The following GMDS variants were observed in gnomAD, a reference collection of about 807,000 sequenced individuals.
GMDS encodes GDP-mannose 4,6 dehydratase.
A neutral mutation model predicts 49.9 loss-of-function variants in GMDS; 20 were observed. The ratio of observed to expected loss-of-function variants is 0.40; its 90% CI spans 0.28 to 0.58. GMDS has a LOEUF of 0.58. GMDS is among the 20% of genes least tolerant of loss of function. GMDS has a pLI of 0.42. For missense variants in GMDS, 362 were observed against 481.4 expected (o/e 0.75, Z 2.32); for synonymous variants, 177 against 178.6 (o/e 0.99, Z 0.07).
intron 4 of GMDS, among the ~76,000 whole-genome samples, chr6:2,114,678 A>G (rs1450175134): frequency 6.6e-6 from 1 of 152,234 alleles, no homozygotes; most frequent in African/African-American, 2.4e-5. Flanking sequence ...ATCGATATGT[A>G]GCCATCCTTC....
chr6:1,675,776 T>C (rs6909257), intron 9 of GMDS, among the ~76,000 whole-genome samples: 133,510 of 151,136 alleles, frequency 0.88, 59,179 homozygotes, highest in Middle Eastern at 0.95. Context: ...TGGCGTGAAC[T>C]CGGGAGGTGG....
rs146145970 is a variant in GMDS, at chr6:1,822,416, G to T, written c.772-79830C>A. On this transcript the variant is annotated intron_variant, in intron 7 of 10. Transcript: ENST00000380815. ...GACAGTGCTCTGATTATTTTCACAG[G>T]AAGTGAGTTTGTTAGGATGAAAAAG... 7.4e-3 allele frequency among the ~76,000 whole-genome samples: 1,131 copies of T among 152,186 alleles called. 19 individuals are homozygous for T. Among genetic ancestry groups the T allele is most frequent in the African/African-American group, 0.025 (1,050 of 41,494 alleles).
chr6:1,749,618 AG>A (rs1251091330), intron 7 of GMDS, among the ~76,000 whole-genome samples: 2 of 152,238 alleles, frequency 1.3e-5, no homozygotes, highest in Non-Finnish European at 2.9e-5. Context: ...CATAAAAAAA[AG>A]AAATTGTCTT....
chr6:1,727,322 C>G (rs528481209), intron 8 of GMDS, among the ~76,000 whole-genome samples: 1 of 152,152 alleles, frequency 6.6e-6, no homozygotes, highest in South Asian at 2.1e-4. Flanking sequence ...TTCTACTTAT[C>G]CATTTTATGT....
intron 4 of GMDS, among the ~76,000 whole-genome samples, chr6:2,113,652 C>T (rs772151577): frequency 9.2e-5 from 14 of 152,076 alleles, no homozygotes; most frequent in Non-Finnish European, 1.8e-4. Flanking sequence ...TTCCGCCTCG[C>T]ACTATCCATC....
intron 1 of GMDS, among the ~76,000 whole-genome samples, chr6:2,128,232 T>C (rs976457357): frequency 2.6e-5 from 4 of 151,702 alleles, no homozygotes; most frequent in African/African-American, 9.7e-5. Context: ...TGGAGTGCGA[T>C]AGTGCAATCT....
At chr6:1,868,330 C>T (rs571784716) in intron 7 of GMDS, among the ~76,000 whole-genome samples, 47 of 152,256 alleles carry the variant, frequency 3.1e-4, no homozygotes, top group African/African-American at 1.1e-3. Flanking sequence ...TGTTTCTTCA[C>T]CAGTCTATTC....
intron 9 of GMDS, among the ~76,000 whole-genome samples, chr6:1,674,049 C>T (rs969253935): frequency 3.3e-5 from 5 of 150,300 alleles, no homozygotes; most frequent in South Asian, 2.1e-4. Context: ...AATACATAGC[C>T]GCGAGGTTGC....
intron 8 of GMDS, among the ~76,000 whole-genome samples, chr6:1,731,005 AC>A (rs1427938266): frequency 6.6e-6 from 1 of 152,200 alleles, no homozygotes; most frequent in Non-Finnish European, 1.5e-5. Context: ...CCCCACATCT[AC>A]CACCTTTGAC....
chr6:1,838,634 G>C (rs183876118), intron 7 of GMDS, among the ~76,000 whole-genome samples: 1 of 152,308 alleles, frequency 6.6e-6, no homozygotes, highest in Non-Finnish European at 1.5e-5. Context: ...GGTTAGTACT[G>C]TGATTGGTAT....
intron 8 of GMDS, among the ~76,000 whole-genome samples, chr6:1,739,988 C>G (rs1012311169): frequency 1.3e-5 from 2 of 152,138 alleles, no homozygotes; most frequent in African/African-American, 2.4e-5. Context: ...ATAATTCATG[C>G]GTATCATCCT....
At chr6:1,968,956 A>C (rs1764423225) in intron 4 of GMDS, among the ~76,000 whole-genome samples, 1 of 151,978 alleles carries the variant, frequency 6.6e-6, no homozygotes, top group Non-Finnish European at 1.5e-5. Flanking sequence ...CGTGAAGAGA[A>C]AGTTCATTTA....
intron 7 of GMDS, among the ~76,000 whole-genome samples, chr6:1,859,005 A>G (rs1359419712): frequency 1.3e-5 from 2 of 152,140 alleles, no homozygotes; most frequent in African/African-American, 4.8e-5. Context: ...ATAGAAGCAC[A>G]CTGGCAGGAT....
intron 4 of GMDS, among the ~76,000 whole-genome samples, chr6:2,024,113 A>G (rs1768438082): frequency 6.6e-6 from 1 of 152,194 alleles, no homozygotes; most frequent in African/African-American, 2.4e-5. Flanking sequence ...TAACAATTAC[A>G]CCAATAGCAA....
intron 7 of GMDS, among the ~76,000 whole-genome samples, chr6:1,880,706 C>G (rs964010947): frequency 3.3e-5 from 5 of 152,094 alleles, no homozygotes; most frequent in African/African-American, 1.2e-4. Flanking sequence ...ATATAGTTGA[C>G]CCTAATATTT....
chr6:2,088,814 A>T lies in GMDS; in HGVS notation c.345+26957T>A, dbSNP rs73716937. Among the ~76,000 whole-genome samples, 657 of 152,268 alleles carry T rather than the reference A, an allele frequency of 4.3e-3. 10 individuals are homozygous for T. The highest frequency in any genetic ancestry group is 0.015 in the African/African-American group (635 of 41,558). On this transcript the variant is annotated intron_variant, in intron 4 of 10. Transcript: ENST00000380815. ...AAGCTCAGATAAGATGCATAACTCA[A>T]TGGGTATTGGGGATACACTGAGAAA... is the stretch of plus-strand genomic sequence containing the variant.
chr6:1,780,642 C>T (rs1041372699), intron 7 of GMDS, among the ~76,000 whole-genome samples: 1 of 152,220 alleles, frequency 6.6e-6, no homozygotes, highest in South Asian at 2.1e-4. Context: ...GGCTCCCGCG[C>T]TGCTCTGCCC....
chr6:1,825,000 T>C (rs7752683), intron 7 of GMDS, among the ~76,000 whole-genome samples: 72,426 of 152,048 alleles, frequency 0.48, 18,167 homozygotes, highest in African/African-American at 0.62. Flanking sequence ...TTACTAAATA[T>C]GTGGTTATTT....
At chr6:1,851,083 CGAGGTT>C (rs991394051) in intron 7 of GMDS, among the ~76,000 whole-genome samples, 1 of 152,178 alleles carries the variant, frequency 6.6e-6, no homozygotes, top group Non-Finnish European at 1.5e-5. Flanking sequence ...GCAGGCTGTA[CGAGGTT>C]AAGGACTTTG....
Sources: gnomAD v4.1 joint callset for allele counts (sites outside exome capture counted in the v4.1 genomes callset) on GRCh38, gnomAD v4.1.1 for gene constraint, MANE v1.5 for transcripts, NCBI Gene and HGNC (gene_info 2026-07-23, HGNC 2026-07-21) for gene names.